Variants in HHAT observed in about 807,000 individuals in gnomAD.
The protein encoded by HHAT is protein-cysteine N-palmitoyltransferase HHAT.
HHAT carries 47 observed loss-of-function variants against 70.8 expected under a neutral mutation model. That is an observed-to-expected ratio of 0.66 (90% CI 0.53 to 0.85). The LOEUF (loss-of-function observed/expected upper bound fraction) is 0.85, where lower values mean the gene tolerates loss of function less well. Ranked by LOEUF, HHAT falls within the 40% of genes least tolerant of loss-of-function variation. The pLI is 0.00. For missense variants in HHAT, 609 were observed against 604.8 expected, an observed-to-expected ratio of 1.01 and a Z score of -0.07; for synonymous variants, 228 against 247.6, an observed-to-expected ratio of 0.92 and a Z score of 0.74.
At chr1:210,488,711 A>G (rs569899601) in intron 8 of HHAT, among the ~76,000 whole-genome samples, 1 of 152,040 alleles carries the variant, frequency 6.6e-6, no homozygotes, top group South Asian at 2.1e-4. Context: ...TGGGCAATAC[A>G]GTGAGACCTT....
chr1:210,482,426 A>G (rs2094411181), intron 8 of HHAT, among the ~76,000 whole-genome samples: 2 of 152,226 alleles, frequency 1.3e-5, no homozygotes, highest in South Asian at 4.1e-4. Flanking sequence ...ACTTTGCATT[A>G]TTAGCCTTAC....
intron 7 of HHAT, among the ~76,000 whole-genome samples, chr1:210,449,762 T>C (rs762983392): frequency 1.9e-4 from 29 of 152,196 alleles, no homozygotes; most frequent in Non-Finnish European, 3.1e-4. Context: ...CTTCCTCAAA[T>C]GTAACTGTGA....
At chr1:210,638,341 G>A (rs1021710297) in intron 11 of HHAT, among the ~76,000 whole-genome samples, 5 of 152,168 alleles carry the variant, frequency 3.3e-5, no homozygotes, top group African/African-American at 1.2e-4. Context: ...GTATTATTCA[G>A]CAATAAAGAG....
intron 9 of HHAT, among the ~76,000 whole-genome samples, chr1:210,566,149 C>G (rs1303385611): frequency 6.6e-6 from 1 of 152,092 alleles, no homozygotes; most frequent in Non-Finnish European, 1.5e-5. Flanking sequence ...ACCCTGAACA[C>G]TTAAAGTTGC....
chr1:210,455,565 G>A (rs1306118753), intron 7 of HHAT, among the ~76,000 whole-genome samples: 2 of 152,016 alleles, frequency 1.3e-5, no homozygotes, highest in African/African-American at 4.8e-5. Context: ...TAAACGTGGT[G>A]ACTTGGAGAC....
chr1:210,491,802 GTC>G (rs2094556340), intron 8 of HHAT, among the ~76,000 whole-genome samples: 4 of 152,000 alleles, frequency 2.6e-5, no homozygotes, highest in Non-Finnish European at 5.9e-5. Context: ...TCACTCTGTC[GTC>G]CAGGGTGGAG....
chr1:210,537,229 G>A (rs1205127120), intron 9 of HHAT, among the ~76,000 whole-genome samples: 1 of 152,146 alleles, frequency 6.6e-6, no homozygotes, highest in Non-Finnish European at 1.5e-5. Context: ...GGCACAGAAA[G>A]CTCACTTGTC....
chr1:210,651,996 C>T (rs1285979291), intron 11 of HHAT, among the ~76,000 whole-genome samples: 3 of 152,168 alleles, frequency 2.0e-5, no homozygotes, highest in Non-Finnish European at 4.4e-5. Flanking sequence ...TCCTGACTGA[C>T]TCTGAACTGA....
At chr1:210,643,642 G>A (rs1312110233) in intron 11 of HHAT, among the ~76,000 whole-genome samples, 1 of 152,106 alleles carries the variant, frequency 6.6e-6, no homozygotes, top group Non-Finnish European at 1.5e-5. Context: ...TGAATCTTTT[G>A]CAGATTTTGT....
chr1:210,548,952 C>T (rs1166801906), intron 9 of HHAT, among the ~76,000 whole-genome samples: 1 of 152,336 alleles, frequency 6.6e-6, no homozygotes. Flanking sequence ...CTGCCAGGCT[C>T]ATGGGTTCAG....
chr1:210,469,658 G>A (rs552082728), intron 8 of HHAT, among the ~76,000 whole-genome samples: 1 of 152,062 alleles, frequency 6.6e-6, no homozygotes, highest in Admixed American at 6.5e-5. Flanking sequence ...TAAAATTTAT[G>A]CCATTTGTTC....
chr1:210,601,817 A>T, intron 10 of HHAT, among the ~76,000 whole-genome samples: 1 of 152,146 alleles, frequency 6.6e-6, no homozygotes, highest in East Asian at 1.9e-4. Flanking sequence ...CTTTATAAAC[A>T]TAATAAAATA....
At chr1:210,414,424 C>A (rs1019348094) in intron 6 of HHAT, among the ~76,000 whole-genome samples, 1 of 151,958 alleles carries the variant, frequency 6.6e-6, no homozygotes, top group African/African-American at 2.4e-5. Context: ...AATGAACTTG[C>A]TTTGGAGAGC....
intron 9 of HHAT, among the ~76,000 whole-genome samples, chr1:210,573,207 C>T (rs1237423822): frequency 1.3e-5 from 2 of 152,136 alleles, no homozygotes; most frequent in African/African-American, 2.4e-5. Context: ...TCTTTCCTAG[C>T]CCTTGAGCTG....
intron 7 of HHAT, among the ~76,000 whole-genome samples, chr1:210,434,600 C>T (rs1189469217): frequency 6.6e-6 from 1 of 151,812 alleles, no homozygotes; most frequent in East Asian, 1.9e-4. Flanking sequence ...CCCCAAGTAA[C>T]TATTCAAGTC....
At chr1:210,330,119 G>T (rs530449997) in intron 1 of HHAT, among the ~76,000 whole-genome samples, 54 of 152,316 alleles carry the variant, frequency 3.5e-4, no homozygotes, top group African/African-American at 1.3e-3. Context: ...GAGAGGAGAG[G>T]GAAGGCTTCA....
intron 11 of HHAT, among the ~76,000 whole-genome samples, chr1:210,668,081 C>A (rs940938788): frequency 1.3e-5 from 2 of 152,042 alleles, no homozygotes; most frequent in African/African-American, 4.8e-5. Context: ...TCTTTTGTGT[C>A]CGGCTTATTT....
At chr1:210,639,100 G>A (rs866168790) in intron 11 of HHAT, among the ~76,000 whole-genome samples, 5 of 152,010 alleles carry the variant, frequency 3.3e-5, no homozygotes, top group Middle Eastern at 3.4e-3. Context: ...TATCTGCTCC[G>A]TCCATCTGTC....
At chr1:210,393,670 C>T in intron 4 of HHAT, among the ~76,000 whole-genome samples, 1 of 152,176 alleles carries the variant, frequency 6.6e-6, no homozygotes, top group Non-Finnish European at 1.5e-5. Context: ...TAGGCTTCTT[C>T]TCTGCAGAGC....
Sources: gnomAD v4.1 joint callset for allele counts (sites outside exome capture counted in the v4.1 genomes callset) on GRCh38, gnomAD v4.1.1 for gene constraint, MANE v1.5 for transcripts, NCBI Gene and HGNC (gene_info 2026-07-23, HGNC 2026-07-21) for gene names.